COL4A2: variants seen among roughly 807,000 people sequenced by gnomAD.
COL4A2 encodes collagen type IV alpha 2 chain.
In COL4A2, 99 loss-of-function variants were observed where a neutral mutation model predicts 200.2. That is an observed-to-expected ratio of 0.49 (90% confidence interval 0.42 to 0.58). COL4A2 has a LOEUF of 0.58. Among genes scored for constraint, COL4A2 ranks in the 20% least tolerant of loss-of-function variants. The pLI is 0.00. For synonymous variants in COL4A2, 897 were observed against 900.6 expected, an observed-to-expected ratio of 1.00 and a Z score of 0.07; for missense variants, 1,950 against 2,314.1, an observed-to-expected ratio of 0.84 and a Z score of 3.23.
At chr13:110,347,167 C>T (rs1876741274) in intron 3 of COL4A2, among the ~76,000 whole-genome samples, 1 of 152,232 alleles carries the variant, frequency 6.6e-6, no homozygotes, top group Admixed American at 6.5e-5. Context: ...GCCTACCTGT[C>T]CTCACCTGAA....
intron 4 of COL4A2, among the ~76,000 whole-genome samples, chr13:110,413,686 C>T (rs1210158050): frequency 1.3e-5 from 2 of 152,186 alleles, no homozygotes; most frequent in African/African-American, 2.4e-5. Flanking sequence ...CGGGGTGGCT[C>T]GCAGAGCCTG....
intron 3 of COL4A2, chr13:110,340,929 G>C (rs1262186155): frequency 6.6e-6 from 1 of 152,276 alleles, no homozygotes; most frequent in Non-Finnish European, 1.5e-5. Flanking sequence ...CTCCCAACAG[G>C]AGGAGGAGTA....
intron 16 of COL4A2, among the ~76,000 whole-genome samples, chr13:110,442,372 G>A (rs1012899064): frequency 1.3e-5 from 2 of 152,204 alleles, no homozygotes; most frequent in Non-Finnish European, 1.5e-5. Flanking sequence ...CACAAATGAC[G>A]CAGCCGCCGT....
chr13:110,408,173 C>T (rs1214472871), intron 4 of COL4A2, among the ~76,000 whole-genome samples: 2 of 152,074 alleles, frequency 1.3e-5, no homozygotes, highest in African/African-American at 2.4e-5. Flanking sequence ...CAGGCGGGTC[C>T]GTGGCCACCA....
At position 110,489,722 on chromosome 13, in the gene COL4A2, G is replaced by T; in HGVS notation, c.3283G>T (p.Asp1095Tyr). 1 of 1,614,180 alleles carries T rather than the reference G, an allele frequency of 6.2e-7. No individual in the cohort carries two copies. Among genetic ancestry groups the T allele is most frequent in the Non-Finnish European group, 8.5e-7 (1 of 1,180,028 alleles). ...TTTGCATGTAACAGGTGACATCGGG[G>T]ACACTATAAATTTACCAGGAAGACC... ...GATGDFGDIG[D>Y]TINLPGRPGL... Residue 1095 changes from aspartate (D) to tyrosine (Y), a missense_variant, in exon 36 of 48, where the codon GAC (aspartate) becomes TAC (tyrosine). Coordinates refer to ENST00000360467, the MANE Select transcript of COL4A2 (RefSeq NM_001846.4).
chr13:110,322,197 G>A lies in COL4A2; in HGVS notation c.99+14074G>A, dbSNP rs545291513. 2.6e-5 allele frequency among the ~76,000 whole-genome samples: 4 copies of A among 152,340 alleles called. No individual in the cohort carries two copies. In the South Asian group the frequency reaches 8.3e-4, roughly 32 times the overall value. ...ACCCAGCTCCAGATGAAGGAGCAGG[G>A]GGCAAGGAAGCCTGGGGCTGGCCTG... On this transcript the variant is annotated intron_variant, in intron 3 of 47. Transcript: ENST00000360467.
Position 110,485,900 on chromosome 13 carries a change from C to A in COL4A2, c.3207+64C>A, listed in dbSNP as rs557294915. ...CCTCTCCCCTTTGCTTGTGAATGGA[C>A]ATGCTTTGGTCTGGAATTTGCTAGG... On this transcript the variant is annotated intron_variant, in intron 34 of 47. Transcript: ENST00000360467. The A allele has an allele frequency of 6.3e-6, 10 of 1,593,140 alleles. No homozygotes were observed. The South Asian group carries it at 1.0e-4, about 16-fold the overall frequency.
intron 38 of COL4A2, among the ~76,000 whole-genome samples, chr13:110,492,590 T>A (rs1883320762): frequency 6.6e-6 from 1 of 152,214 alleles, no homozygotes; most frequent in South Asian, 2.1e-4. Flanking sequence ...TCACTGCCCA[T>A]GTAACAGAAG....
chr13:110,447,902 G>A (rs530856556), intron 18 of COL4A2, among the ~76,000 whole-genome samples: 1 of 152,292 alleles, frequency 6.6e-6, no homozygotes, highest in South Asian at 2.1e-4. Flanking sequence ...GCTTCGAAGC[G>A]AGCCCTCTGT....
At chr13:110,433,340 G>A (rs1038799881) in intron 11 of COL4A2, among the ~76,000 whole-genome samples, 13 of 152,242 alleles carry the variant, frequency 8.5e-5, no homozygotes, top group African/African-American at 1.2e-4. Context: ...GAGCCCAGGC[G>A]TGAGCCTCAG....
intron 13 of COL4A2, among the ~76,000 whole-genome samples, chr13:110,437,711 T>C (rs1446625480): frequency 2.0e-5 from 3 of 152,168 alleles, no homozygotes; most frequent in Non-Finnish European, 2.9e-5. Flanking sequence ...AACATCTGCC[T>C]GGAACGGTGT....
chr13:110,397,089 C>T (rs987514651), intron 4 of COL4A2, among the ~76,000 whole-genome samples: 3 of 152,180 alleles, frequency 2.0e-5, no homozygotes, highest in African/African-American at 7.2e-5. Context: ...AGCAGGCCTG[C>T]CAAGACCACA....
intron 3 of COL4A2, among the ~76,000 whole-genome samples, chr13:110,330,019 T>G (rs1192256702): frequency 6.6e-6 from 1 of 152,244 alleles, no homozygotes; most frequent in South Asian, 2.1e-4. Flanking sequence ...AAATGAACAC[T>G]GTGTGTATTT....
At chr13:110,366,547 G>T (rs1877760287) in intron 4 of COL4A2, among the ~76,000 whole-genome samples, 1 of 152,152 alleles carries the variant, frequency 6.6e-6, no homozygotes, top group South Asian at 2.1e-4. Context: ...TAATAGCCAA[G>T]GGGAGAAAAT....
intron 17 of COL4A2, 100 bp downstream of exon 17, chr13:110,445,982 C>A: frequency 7.6e-7 from 1 of 1,320,996 alleles, no homozygotes; most frequent in Non-Finnish European, 1.1e-6. Context: ...ATCCCCTGCC[C>A]TAAAAAGTAC....
chr13:110,372,655 T>C (rs530689716), intron 4 of COL4A2, among the ~76,000 whole-genome samples: 2 of 152,224 alleles, frequency 1.3e-5, no homozygotes, highest in Admixed American at 6.5e-5. Context: ...AGACAGAAAA[T>C]TGCCAACTTA....
intron 3 of COL4A2, among the ~76,000 whole-genome samples, chr13:110,312,727 G>A (rs2139341207): frequency 6.6e-6 from 1 of 152,364 alleles, no homozygotes; most frequent in South Asian, 2.1e-4. Context: ...GGCAATGTCT[G>A]CAACCCCCAG....
At chr13:110,356,885 C>T (rs1244820203) in intron 3 of COL4A2, among the ~76,000 whole-genome samples, 1 of 151,966 alleles carries the variant, frequency 6.6e-6, no homozygotes, top group Non-Finnish European at 1.5e-5. Flanking sequence ...CCTGCCTCAG[C>T]CTCCTAAGTA....
chr13:110,424,725 T>C lies in COL4A2; in HGVS notation c.181-9T>C, dbSNP rs898519017. On this transcript the variant is annotated splice_polypyrimidine_tract_variant and intron_variant, in intron 4 of 47. Transcript: ENST00000360467. Reference sequence around the variant, plus strand: ...AATCGTGGAAATTGAACCTTTGTTGTTCCCACAGGGTCAGCCTGGGCCAGT... The same window carrying C: ...AATCGTGGAAATTGAACCTTTGTTGCTCCCACAGGGTCAGCCTGGGCCAGT... 1 of 1,581,040 alleles carries C rather than the reference T, an allele frequency of 6.3e-7. No individual in the cohort carries two copies. The highest frequency in any genetic ancestry group is 1.8e-5 in the Admixed American group (1 of 55,356).
Sources: gnomAD v4.1 joint callset for allele counts (sites outside exome capture counted in the v4.1 genomes callset) on GRCh38, gnomAD v4.1.1 for gene constraint, MANE v1.5 for transcripts, NCBI Gene and HGNC (gene_info 2026-07-23, HGNC 2026-07-21) for gene names.